Variants in ANO1 observed in about 807,000 individuals in gnomAD.
The protein encoded by ANO1 is anoctamin-1.
ANO1 carries 59 observed loss-of-function variants against 124.0 expected under a neutral mutation model. The observed-to-expected ratio is 0.48, with a 90% CI of 0.39 to 0.59. The LOEUF is 0.59. Among genes scored for constraint, ANO1 ranks in the 20% least tolerant of loss-of-function variants. The pLI is 0.00. For synonymous variants in ANO1, 529 were observed against 532.0 expected (o/e 0.99, Z 0.08); for missense variants, 1,059 against 1,328.0 (o/e 0.80, Z 3.15).
chr11:70,176,339 G>A (rs186067276), intron 22 of ANO1, among the ~76,000 whole-genome samples: 56 of 152,060 alleles, frequency 3.7e-4, no homozygotes, highest in African/African-American at 1.3e-3. Context: ...TAGATACAAG[G>A]TTTCACCATG....
chr11:70,138,847 C>T (rs771742122), intron 11 of ANO1, among the ~76,000 whole-genome samples: 7 of 151,942 alleles, frequency 4.6e-5, no homozygotes, highest in African/African-American at 7.3e-5. Context: ...AACTGCGTGC[C>T]GTTGGTTTGG....
At chr11:70,169,921 C>T (rs890032426) in intron 21 of ANO1, 2 of 304,888 alleles carry the variant, frequency 6.6e-6, no homozygotes, top group Non-Finnish European at 1.3e-5. Flanking sequence ...GTGCAGTTCC[C>T]GAACCAGCTT....
chr11:70,148,255 T>G (rs2047458819), intron 11 of ANO1, among the ~76,000 whole-genome samples: 1 of 152,106 alleles, frequency 6.6e-6, no homozygotes, highest in African/African-American at 2.4e-5. Flanking sequence ...ATTTGATCCC[T>G]CTGAGCCTCA....
intron 1 of ANO1, among the ~76,000 whole-genome samples, chr11:70,019,593 A>G (rs966523906): frequency 1.6e-4 from 24 of 152,034 alleles, no homozygotes; most frequent in African/African-American, 5.6e-4. Flanking sequence ...ATTCAGTGAC[A>G]TCACCCTGGG....
chr11:70,029,912 TC>T (rs1445999333), intron 1 of ANO1, among the ~76,000 whole-genome samples: 1 of 152,150 alleles, frequency 6.6e-6, no homozygotes, highest in Non-Finnish European at 1.5e-5. Flanking sequence ...TGTCCAAATT[TC>T]CCTCTTCTTA....
chr11:70,111,827 A>G, intron 7 of ANO1, 65 bp downstream of exon 7: 1 of 1,536,832 alleles, frequency 6.5e-7, no homozygotes, highest in East Asian at 2.2e-5. Context: ...GCCGGGCCAC[A>G]CCCCCCCGGG....
At chr11:69,973,512 G>C in the ANO1 span, among the ~76,000 whole-genome samples, 1 of 152,124 alleles carries the variant, frequency 6.6e-6, no homozygotes, top group Non-Finnish European at 1.5e-5. Context: ...GCTCTAGGGA[G>C]TTATCCTTGC....
chr11:69,969,212 G>A, the ANO1 span, among the ~76,000 whole-genome samples: 7 of 152,106 alleles, frequency 4.6e-5, no homozygotes, highest in Admixed American at 2.0e-4. Flanking sequence ...GTGGAAAGCC[G>A]TGCCCCTTCT....
chr11:70,095,279 G>GGAAGGAAGGAAGGAAGGAAGGAAGGAAA lies in ANO1; in HGVS notation c.441+7218_441+7219insGGAAAGAAGGAAGGAAGGAAGGAAGGAA, dbSNP rs1555017296. On this transcript the variant is annotated intron_variant, in intron 2 of 25. Coordinates refer to ENST00000355303, the MANE Select transcript of ANO1 (RefSeq NM_018043.7). Reference sequence around the variant, plus strand: ...AGGAAGGAAGGAAGGAAGGAAGGAAGGAAGGAAGGAAGGAAGGAAGGAAAG... The same window carrying GGAAGGAAGGAAGGAAGGAAGGAAGGAAA: ...AGGAAGGAAGGAAGGAAGGAAGGAAGGAAGGAAGGAAGGAAGGAAGGAAGGAAAGAAGGAAGGAAGGAAGGAAGGAAAG... Among the ~76,000 whole-genome samples, 50 of 95,554 alleles carry GGAAGGAAGGAAGGAAGGAAGGAAGGAAA rather than the reference G, an allele frequency of 5.2e-4. 1 individual carries two copies. Among genetic ancestry groups the GGAAGGAAGGAAGGAAGGAAGGAAGGAAA allele is most frequent in the African/African-American group, 2.2e-3 (48 of 22,056 alleles). The allele number at this position is 95,554 out of a possible 152,430, so 62.7% of individuals were successfully genotyped here. A position where few individuals can be genotyped will look rare whatever the true frequency, so the allele number is the denominator to read the frequency against.
intron 2 of ANO1, among the ~76,000 whole-genome samples, chr11:70,092,674 T>A (rs1418374398): frequency 6.6e-6 from 1 of 152,152 alleles, no homozygotes; most frequent in Non-Finnish European, 1.5e-5. Context: ...AAGGGCCTTT[T>A]GCACAAGCCA....
intron 1 of ANO1, among the ~76,000 whole-genome samples, chr11:70,023,210 G>T (rs1856836852): frequency 6.6e-6 from 1 of 152,230 alleles, no homozygotes; most frequent in African/African-American, 2.4e-5. Flanking sequence ...TCGTGCGCTG[G>T]GAGATGAGGG....
chr11:70,103,677 C>G (rs2045370032), intron 3 of ANO1, among the ~76,000 whole-genome samples: 1 of 152,174 alleles, frequency 6.6e-6, no homozygotes, highest in Non-Finnish European at 1.5e-5. Flanking sequence ...ACGGGTGAAG[C>G]CGGGCTAGGT....
chr11:69,993,208 A>T, intron 1 of ANO1, among the ~76,000 whole-genome samples: 1 of 152,134 alleles, frequency 6.6e-6, no homozygotes, highest in East Asian at 1.9e-4. Flanking sequence ...TGGTGTGCAA[A>T]CACTACCCTT....
chr11:70,131,996 G>A lies in ANO1; in HGVS notation c.1175G>A (p.Ser392Asn). 6.2e-7 allele frequency: 1 copy of A among 1,609,946 alleles called. No homozygotes were observed. Residue 392 changes from serine (S) to asparagine (N), a missense_variant, in exon 11 of 26, where the codon AGC becomes AAC. By Grantham distance (46) the Ser-to-Asn change is conservative. Around this residue, in one of 2 missense-constraint regions of ANO1, gnomAD observed 809 missense variants for 1,094.9 expected, o/e 0.74. Coordinates refer to ENST00000355303, the MANE Select transcript of ANO1 (RefSeq NM_018043.7). ...AAGACCTGCAGCTACTGGAAGATGAGCTCAGCCTGCGCCACGGCCCGCGCC... is the reference window on the plus strand; with the variant it reads ...AAGACCTGCAGCTACTGGAAGATGAACTCAGCCTGCGCCACGGCCCGCGCC... ...CDKTCSYWKM[S>N]SACATARASH...
At chr11:69,999,620 A>G (rs1400226409) in intron 1 of ANO1, among the ~76,000 whole-genome samples, 1 of 151,948 alleles carries the variant, frequency 6.6e-6, no homozygotes, top group Non-Finnish European at 1.5e-5. Flanking sequence ...GGCCCTCCTC[A>G]CCCGCTAACA....
intron 11 of ANO1, among the ~76,000 whole-genome samples, chr11:70,144,702 G>A (rs1339338779): frequency 6.6e-6 from 1 of 152,230 alleles, no homozygotes; most frequent in African/African-American, 2.4e-5. Context: ...GATTTCAGGG[G>A]GATGGGCTTG....
At chr11:70,179,053 G>A (rs1487695062) in intron 22 of ANO1, among the ~76,000 whole-genome samples, 2 of 152,208 alleles carry the variant, frequency 1.3e-5, no homozygotes, top group Admixed American at 6.5e-5. Flanking sequence ...CCCCAAAAAC[G>A]GGGACTGGGA....
At chr11:70,128,245 G>T (rs959957603) in intron 10 of ANO1, among the ~76,000 whole-genome samples, 18 of 150,630 alleles carry the variant, frequency 1.2e-4, no homozygotes, top group African/African-American at 3.7e-4. Flanking sequence ...CAGGAGAAAG[G>T]TTTCCCTTTG....
At chr11:70,181,778 G>GAA (rs537090488) in intron 23 of ANO1, among the ~76,000 whole-genome samples, 42 of 139,674 alleles carry the variant, frequency 3.0e-4, no homozygotes, top group Non-Finnish European at 5.0e-4. Flanking sequence ...CTCTCTCTCT[G>GAA]AAAAAAAAAA....
Sources: gnomAD v4.1 joint callset for allele counts (sites outside exome capture counted in the v4.1 genomes callset) on GRCh38, gnomAD v4.1.1 for gene constraint, gnomAD v4.1.1 regional missense constraint, MANE v1.5 for transcripts, NCBI Gene and HGNC (gene_info 2026-07-23, HGNC 2026-07-21) for gene names.